DIP2C: variants seen among roughly 807,000 people sequenced by gnomAD.
DIP2C encodes disco-interacting protein 2 homolog C.
A neutral mutation model predicts 192.4 loss-of-function variants in DIP2C; 33 were observed. The observed-to-expected ratio is 0.17, with a 90% confidence interval of 0.13 to 0.23. The LOEUF is 0.23. Among genes scored for constraint, DIP2C ranks in the 10% least tolerant of loss-of-function variants. The probability of loss-of-function intolerance (pLI) is 1.00; values close to 1 mark genes in which losing one functional copy is unlikely to be tolerated. For synonymous variants in DIP2C, 979 were observed against 864.1 expected (o/e 1.13, Z -2.33); for missense variants, 1,537 against 2,110.1 (o/e 0.73, Z 5.32).
intron 2 of DIP2C, among the ~76,000 whole-genome samples, chr10:477,657 T>C (rs1331147242): frequency 7.8e-6 from 1 of 127,564 alleles, no homozygotes. Flanking sequence ...GAAAAATAGA[T>C]GAACAGGAAG....
chr10:382,756 T>G lies in DIP2C; in HGVS notation c.1882A>C (p.Ile628Leu). 1.9e-6 allele frequency: 3 copies of G among 1,608,990 alleles called. No individual in the cohort carries two copies. Among genetic ancestry groups the G allele is most frequent in the Non-Finnish European group, 2.5e-6 (3 of 1,176,754 alleles). ...TTGAGAAATGCATCGCAAGAAGAAA[T>G]AGACCCTAGAGTGAAAGAGGGACAA... Reference protein sequence around the residue: ...IVADGANPWSISSCDAFLNVF... With the variant: ...IVADGANPWSLSSCDAFLNVF... Residue 628 changes from isoleucine (I) to leucine (L), a missense_variant, in exon 17 of 37, where the codon ATT becomes CTT. Ile to Leu is a conservative substitution (Grantham distance 5). Transcript: ENST00000280886.
At chr10:602,546 C>G (rs1021341766) in intron 1 of DIP2C, among the ~76,000 whole-genome samples, 1 of 152,190 alleles carries the variant, frequency 6.6e-6, no homozygotes, top group African/African-American at 2.4e-5. Flanking sequence ...TCCTCCGCCA[C>G]GTGAGGCCCA....
intron 1 of DIP2C, among the ~76,000 whole-genome samples, chr10:536,500 C>T (rs1847704244): frequency 6.6e-6 from 1 of 152,166 alleles, no homozygotes; most frequent in African/African-American, 2.4e-5. Flanking sequence ...CATCACAGTC[C>T]CAGGGGGGCC....
chr10:274,337 A>G lies in DIP2C; in HGVS notation c.*2988T>C, dbSNP rs1352906485. 6.6e-6 allele frequency: 1 copy of G among 152,258 alleles called. No individual in the cohort carries two copies. Among genetic ancestry groups the G allele is most frequent in the East Asian group, 1.9e-4 (1 of 5,206 alleles). 9.4% of individuals were successfully genotyped at this position (152,258 alleles called of 1,614,324 possible). ...CATTTTTCAAAGTATGATTATCTGTACTAAGTAATGCAACAAATTATGTAA... is the reference window on the plus strand; with the variant it reads ...CATTTTTCAAAGTATGATTATCTGTGCTAAGTAATGCAACAAATTATGTAA... On this transcript the variant is annotated 3_prime_UTR_variant, in exon 37 of 37. Transcript: ENST00000280886.
chr10:485,686 T>TA (rs1224398053), intron 2 of DIP2C, among the ~76,000 whole-genome samples: 2 of 152,328 alleles, frequency 1.3e-5, no homozygotes, highest in East Asian at 3.9e-4. Context: ...TTAAACCTTC[T>TA]AAAATCTTCT....
chr10:457,641 C>T (rs1315912185), intron 3 of DIP2C, among the ~76,000 whole-genome samples: 1 of 152,180 alleles, frequency 6.6e-6, no homozygotes, highest in Non-Finnish European at 1.5e-5. Context: ...CTGCAGCCTC[C>T]AGCTCCTAGG....
intron 1 of DIP2C, among the ~76,000 whole-genome samples, chr10:596,347 C>T (rs533432791): frequency 2.4e-4 from 37 of 151,584 alleles, no homozygotes; most frequent in African/African-American, 7.0e-4. Flanking sequence ...CCATCTCTAA[C>T]GAAAATTAGC....
intron 1 of DIP2C, among the ~76,000 whole-genome samples, chr10:575,907 A>T (rs1850119557): frequency 6.6e-6 from 1 of 152,176 alleles, no homozygotes; most frequent in Non-Finnish European, 1.5e-5. Context: ...CTCCATGGTA[A>T]CAGCTGAGCT....
intron 32 of DIP2C, among the ~76,000 whole-genome samples, chr10:309,163 ACGC>A (rs1956465261): frequency 6.6e-6 from 1 of 152,142 alleles, no homozygotes; most frequent in South Asian, 2.1e-4. Flanking sequence ...AGTAAAAATG[ACGC>A]CTTCTTTCCT....
intron 1 of DIP2C, among the ~76,000 whole-genome samples, chr10:609,950 C>T (rs1291848300): frequency 1.3e-5 from 2 of 152,238 alleles, no homozygotes; most frequent in East Asian, 3.9e-4. Flanking sequence ...CGGCATTCCA[C>T]CGAGGGCTTT....
intron 2 of DIP2C, among the ~76,000 whole-genome samples, chr10:480,705 G>A (rs970164076): frequency 1.4e-4 from 21 of 152,340 alleles, no homozygotes; most frequent in Middle Eastern, 3.4e-3. Flanking sequence ...CGAGGAATGC[G>A]ATTCATTAAA....
intron 31 of DIP2C, among the ~76,000 whole-genome samples, chr10:310,409 A>G (rs1956519018): frequency 6.6e-6 from 1 of 152,374 alleles, no homozygotes; most frequent in Admixed American, 6.5e-5. Flanking sequence ...CGGCGCTGCA[A>G]AAGCAGGTTG....
intron 36 of DIP2C, among the ~76,000 whole-genome samples, chr10:280,353 G>C (rs1166133284): frequency 3.9e-5 from 6 of 152,168 alleles, no homozygotes; most frequent in Non-Finnish European, 8.8e-5. Context: ...CAGGGTTTCT[G>C]ACCTGAGACT....
intron 1 of DIP2C, among the ~76,000 whole-genome samples, chr10:552,705 C>T (rs1191736745): frequency 6.6e-6 from 1 of 152,188 alleles, no homozygotes; most frequent in Non-Finnish European, 1.5e-5. Context: ...AAAAAATTAG[C>T]CAGGTGTGGT....
At chr10:421,921 G>A (rs1315548105) in intron 5 of DIP2C, among the ~76,000 whole-genome samples, 1 of 152,194 alleles carries the variant, frequency 6.6e-6, no homozygotes, top group African/African-American at 2.4e-5. Flanking sequence ...TGAGACCCAA[G>A]TCAATCCAAA....
chr10:577,252 T>C (rs1205772572), intron 1 of DIP2C, among the ~76,000 whole-genome samples: 2 of 152,232 alleles, frequency 1.3e-5, no homozygotes, highest in Non-Finnish European at 2.9e-5. Flanking sequence ...GTTAAGTCAC[T>C]GGATTTAGAG....
intron 3 of DIP2C, among the ~76,000 whole-genome samples, chr10:459,378 C>CA (rs58665762): frequency 5.3e-5 from 8 of 151,958 alleles, no homozygotes; most frequent in Non-Finnish European, 1.0e-4. Flanking sequence ...CCAGAGGACA[C>CA]GGGACCGGGA....
chr10:597,123 A>T (rs1315806132), intron 1 of DIP2C, among the ~76,000 whole-genome samples: 1 of 152,174 alleles, frequency 6.6e-6, no homozygotes, highest in Non-Finnish European at 1.5e-5. Flanking sequence ...CGAGTAAAAC[A>T]GCAAGGCGGG....
At chr10:662,941 C>G (rs1324686606) in intron 1 of DIP2C, 7 of 717,366 alleles carry the variant, frequency 9.8e-6, no homozygotes, top group Non-Finnish European at 1.6e-5. Flanking sequence ...TAATGGTTCT[C>G]AGCTCCGACC....
Sources: allele counts gnomAD v4.1 joint callset (sites outside exome capture counted in the v4.1 genomes callset), GRCh38; gene constraint gnomAD v4.1.1; transcripts MANE v1.5; gene names NCBI Gene and HGNC (gene_info 2026-07-23, HGNC 2026-07-21).